Variants in ZDHHC14 observed in about 807,000 individuals in gnomAD.
The protein encoded by ZDHHC14 is zDHHC palmitoyltransferase 14.
Under a neutral mutation model 47.7 loss-of-function variants are expected in ZDHHC14, and 16 were observed. The ratio of observed to expected loss-of-function variants is 0.34; its 90% CI spans 0.23 to 0.51. ZDHHC14 has a LOEUF of 0.51. ZDHHC14 is among the 20% of genes least tolerant of loss of function. The pLI, the probability that ZDHHC14 is intolerant of heterozygous loss-of-function variation, is 0.97. For missense variants in ZDHHC14, 515 were observed against 662.5 expected (o/e 0.78, Z 2.44); for synonymous variants, 293 against 278.9 (o/e 1.05, Z -0.50).
At chr6:157,602,612 A>G (rs1157958100) in intron 3 of ZDHHC14, among the ~76,000 whole-genome samples, 1 of 152,052 alleles carries the variant, frequency 6.6e-6, no homozygotes, top group Non-Finnish European at 1.5e-5. Context: ...GTTACAGTGT[A>G]TAGACTACCT....
rs139165596 is a variant in ZDHHC14, at chr6:157,626,037, T to C, written c.566-2312T>C. 2.8e-4 allele frequency among the ~76,000 whole-genome samples: 43 copies of C among 152,276 alleles called. No individual in the cohort carries two copies. The East Asian group carries it at 8.1e-3, about 29-fold the overall frequency. ...GTCGGGAAAGCACAGTGTCACAGCT[T>C]AGCTGTTATTAAACTTTCTAAGCTA... On this transcript the variant is annotated intron_variant, in intron 3 of 8. Transcript: ENST00000359775.
At chr6:157,653,875 C>G (rs1295805354) in intron 8 of ZDHHC14, among the ~76,000 whole-genome samples, 1 of 152,182 alleles carries the variant, frequency 6.6e-6, no homozygotes, top group Non-Finnish European at 1.5e-5. Flanking sequence ...CACACGCGAG[C>G]TGTCTGCCAA....
intron 1 of ZDHHC14, among the ~76,000 whole-genome samples, chr6:157,394,808 G>A (rs1777489263): frequency 6.6e-6 from 1 of 152,100 alleles, no homozygotes; most frequent in Non-Finnish European, 1.5e-5. Flanking sequence ...CTGCCAGAAC[G>A]TCTCAAATGA....
At chr6:157,414,039 C>T (rs1284210455) in intron 1 of ZDHHC14, among the ~76,000 whole-genome samples, 4 of 152,094 alleles carry the variant, frequency 2.6e-5, no homozygotes, top group African/African-American at 4.8e-5. Context: ...TGGGTTCAAG[C>T]GATTCTCCTG....
At chr6:157,637,123 T>C (rs776645472) in intron 5 of ZDHHC14, among the ~76,000 whole-genome samples, 1 of 152,258 alleles carries the variant, frequency 6.6e-6, no homozygotes. Context: ...TAGAGAACCA[T>C]GTGCTGAGTA....
intron 1 of ZDHHC14, among the ~76,000 whole-genome samples, chr6:157,417,900 C>A (rs568965054): frequency 6.6e-6 from 1 of 151,270 alleles, no homozygotes; most frequent in Non-Finnish European, 1.5e-5. Context: ...CTTGCAGTGA[C>A]CTGTGATTGT....
At chr6:157,667,236 C>G (rs1429453207) in intron 8 of ZDHHC14, among the ~76,000 whole-genome samples, 1 of 152,024 alleles carries the variant, frequency 6.6e-6, no homozygotes, top group Admixed American at 6.6e-5. Context: ...GCTGTTTTTC[C>G]TTAGGATTAT....
At chr6:157,531,626 A>G (rs887784707) in intron 1 of ZDHHC14, among the ~76,000 whole-genome samples, 4 of 146,898 alleles carry the variant, frequency 2.7e-5, no homozygotes, top group Non-Finnish European at 6.0e-5. Context: ...GTGAGCTGCC[A>G]GGAAGCGAGG....
rs1779233053 is a variant in ZDHHC14, at chr6:157,466,942, C to T, written c.246-75643C>T. Among the ~76,000 whole-genome samples the T allele has an allele frequency of 2.0e-5, 3 of 152,158 alleles. No individual in the cohort carries two copies. The East Asian group carries it at 5.8e-4, about 29-fold the overall frequency. ...CCTGAGAGGTCTGGTGGGAACTGCG[C>T]AGTAGCTGCCCTCACATGGCGAGGC... On this transcript the variant is annotated intron_variant, in intron 1 of 8. Coordinates refer to ENST00000359775, the MANE Select transcript of ZDHHC14 (RefSeq NM_024630.3).
chr6:157,542,801 C>G (rs1376859093), intron 2 of ZDHHC14, 56 bp downstream of exon 2: 1 of 1,583,396 alleles, frequency 6.3e-7, no homozygotes, highest in Non-Finnish European at 8.6e-7. Flanking sequence ...GGCCCAGCTA[C>G]AGTGGGGACG....
rs377578765 is a variant in ZDHHC14, at chr6:157,391,043, G to T, written c.245+8777G>T. Among the ~76,000 whole-genome samples the T allele has an allele frequency of 4.7e-4, 71 of 152,278 alleles. 1 individual carries two copies. In the South Asian group the frequency reaches 0.014, roughly 31 times the overall value. On this transcript the variant is annotated intron_variant, in intron 1 of 8. Transcript: ENST00000359775. The stretch of plus-strand genomic sequence containing the variant: ...GTCAATCTAGTTTGTAATGGAAACA[G>T]GTTTGGGCCTTGGGGAAGCTTCAGT...
chr6:157,490,495 C>T (rs535251654), intron 1 of ZDHHC14, among the ~76,000 whole-genome samples: 12 of 152,162 alleles, frequency 7.9e-5, no homozygotes, highest in Non-Finnish European at 1.5e-4. Flanking sequence ...TACATGAAAC[C>T]GTCAACTAAT....
chr6:157,398,031 C>G, intron 1 of ZDHHC14, among the ~76,000 whole-genome samples: 1 of 151,072 alleles, frequency 6.6e-6, no homozygotes. Context: ...GCCCCTCAGC[C>G]CCCCAGCTCC....
chr6:157,618,519 A>C (rs980119516), intron 3 of ZDHHC14, among the ~76,000 whole-genome samples: 1 of 152,050 alleles, frequency 6.6e-6, no homozygotes, highest in Non-Finnish European at 1.5e-5. Context: ...ACGGGGTTTC[A>C]CCATGTTGGC....
At chr6:157,645,013 C>T (rs1158145558) in intron 5 of ZDHHC14, among the ~76,000 whole-genome samples, 2 of 152,098 alleles carry the variant, frequency 1.3e-5, no homozygotes, top group South Asian at 2.1e-4. Flanking sequence ...CTATGTCCTG[C>T]GAGAACTCGT....
rs144392781 is a variant in ZDHHC14, at chr6:157,590,179, G to A, written c.407-2809G>A. 2.3e-3 allele frequency among the ~76,000 whole-genome samples: 346 copies of A among 152,282 alleles called. 2 individuals carry two copies. The highest frequency in any genetic ancestry group is 8.0e-3 in the African/African-American group (332 of 41,558). On this transcript the variant is annotated intron_variant, in intron 2 of 8. Transcript: ENST00000359775. ...GGAAAATTTGTAGCCAGATCATGCA[G>A]CAGAAAAGAAAAACCCATTTTCTGG...
intron 1 of ZDHHC14, among the ~76,000 whole-genome samples, chr6:157,428,130 G>A (rs778515431): frequency 1.9e-4 from 29 of 152,262 alleles, no homozygotes; most frequent in Non-Finnish European, 3.7e-4. Flanking sequence ...AGAAGGGGAG[G>A]AGAGTGCCGC....
intron 3 of ZDHHC14, among the ~76,000 whole-genome samples, chr6:157,602,529 G>A (rs148218026): frequency 0.021 from 3,156 of 151,868 alleles, 123 homozygotes; most frequent in African/African-American, 0.072. Context: ...GCCACCGGGA[G>A]CTGTGTGCAG....
rs556955112 is a variant in ZDHHC14, at chr6:157,543,819, G to A, written c.406+1074G>A. Among the ~76,000 whole-genome samples, 132 of 152,260 alleles carry A rather than the reference G, an allele frequency of 8.7e-4. 2 individuals are homozygous for A. The highest frequency in any genetic ancestry group is 2.8e-3 in the African/African-American group (116 of 41,540). On this transcript the variant is annotated intron_variant, in intron 2 of 8. Transcript: ENST00000359775. ...GTCCTGAGGTAGGAAGGAGGGGGAG[G>A]GAGAAGCAGCAGTGGGCAGACAATC...
Sources: gnomAD v4.1 joint callset for allele counts (sites outside exome capture counted in the v4.1 genomes callset) on GRCh38, gnomAD v4.1.1 for gene constraint, MANE v1.5 for transcripts, NCBI Gene and HGNC (gene_info 2026-07-23, HGNC 2026-07-21) for gene names.